ECHDC1: variants seen among roughly 807,000 people sequenced by gnomAD.
ECHDC1 encodes ethylmalonyl-CoA decarboxylase 1.
In ECHDC1, 29 loss-of-function variants were observed where a neutral mutation model predicts 29.7. The observed-to-expected ratio is 0.98, with a 90% CI of 0.73 to 1.33. The LOEUF (loss-of-function observed/expected upper bound fraction) is 1.33, where lower values mean the gene tolerates loss of function less well. ECHDC1 is among the 40% of genes most tolerant of loss of function. The probability of loss-of-function intolerance (pLI) is 0.00; values close to 1 mark genes in which losing one functional copy is unlikely to be tolerated. For synonymous variants in ECHDC1, 126 were observed against 123.1 expected, an observed-to-expected ratio of 1.02 and a Z score of -0.15; for missense variants, 328 against 350.0, an observed-to-expected ratio of 0.94 and a Z score of 0.50.
At chr6:127,290,366 CT>C in intron 5 of ECHDC1, 89 bp from the exon 6 acceptor site, 1 of 1,318,638 alleles carries the variant, frequency 7.6e-7, no homozygotes, top group Non-Finnish European at 1.0e-6. Context: ...GATGTGAATT[CT>C]CCATAGATCT....
At position 127,311,112 on chromosome 6, in the gene ECHDC1, TAAC is replaced by T. The variant is rs1781864978; in HGVS notation, c.497+3701_497+3703del. On this transcript the variant is annotated intron_variant, in intron 5 of 5. Transcript: ENST00000454859. ...CGTGTGACTCACTTTATTGTGATATTAACTTTAGAGGGGTGGTCTGGAGGAAAC... is the reference window on the plus strand; with the variant it reads ...CGTGTGACTCACTTTATTGTGATATTTTTAGAGGGGTGGTCTGGAGGAAAC... Among the ~76,000 whole-genome samples, 4 of 152,340 alleles carry T rather than the reference TAAC, an allele frequency of 2.6e-5. No individual in the cohort carries two copies. In the South Asian group the frequency reaches 8.3e-4, roughly 32 times the overall value.
At chr6:127,314,789 A>G in intron 5 of ECHDC1, 27 bp downstream of exon 5, 1 of 1,567,698 alleles carries the variant, frequency 6.4e-7, no homozygotes, top group Non-Finnish European at 8.7e-7. Flanking sequence ...ATATTTGTGC[A>G]AGAAATTAAT....
intron 5 of ECHDC1, among the ~76,000 whole-genome samples, chr6:127,305,573 T>C (rs1469484077): frequency 1.3e-5 from 2 of 152,100 alleles, no homozygotes; most frequent in East Asian, 3.8e-4. Flanking sequence ...AAAGACCAAA[T>C]GATGAACCAA....
intron 5 of ECHDC1, among the ~76,000 whole-genome samples, chr6:127,300,017 A>G (rs563888559): frequency 9.1e-4 from 138 of 152,280 alleles, no homozygotes; most frequent in African/African-American, 3.2e-3. Flanking sequence ...AGTAAGCTGC[A>G]CCCTAGATGG....
intron 4 of ECHDC1, 25 bp downstream of exon 4, chr6:127,316,425 T>C (rs1240502007): frequency 2.5e-6 from 4 of 1,583,628 alleles, no homozygotes; most frequent in Non-Finnish European, 2.6e-6. Flanking sequence ...TTAGAAATCA[T>C]ATTTTAAAAA....
intron 5 of ECHDC1, among the ~76,000 whole-genome samples, chr6:127,296,724 TA>T (rs1229253638): frequency 6.6e-6 from 1 of 152,114 alleles, no homozygotes; most frequent in Non-Finnish European, 1.5e-5. Context: ...CACTTTAATA[TA>T]AATGGGCTGT....
Position 127,316,568 on chromosome 6 carries a change from T to C in ECHDC1, c.364-66A>G, listed in dbSNP as rs113275394. ...AATATATTACATTAAATTTTTTAAA[T>C]TAAGGTTTTAGAAAGTAATGAAGCC... On this transcript the variant is annotated intron_variant, in intron 3 of 5. Transcript: ENST00000454859. 1.9e-3 allele frequency: 2,705 copies of C among 1,408,330 alleles called. 50 individuals carry two copies. The African/African-American group carries it at 0.036, about 19-fold the overall frequency. 87.2% of individuals were successfully genotyped at this position (1,408,330 alleles called of 1,614,324 possible).
chr6:127,315,225 G>C (rs903067867), intron 4 of ECHDC1: 4 of 469,556 alleles, frequency 8.5e-6, no homozygotes, highest in Non-Finnish European at 1.6e-5. Context: ...ACAGCTCCTG[G>C]AACTTCTCAG....
At chr6:127,301,339 A>G (rs1781039876) in intron 5 of ECHDC1, among the ~76,000 whole-genome samples, 1 of 152,216 alleles carries the variant, frequency 6.6e-6, no homozygotes, top group African/African-American at 2.4e-5. Flanking sequence ...GTGTATCTCC[A>G]TCTGCTGAAG....
intron 3 of ECHDC1, among the ~76,000 whole-genome samples, chr6:127,324,098 A>C (rs1783084746): frequency 6.6e-6 from 1 of 152,114 alleles, no homozygotes; most frequent in Non-Finnish European, 1.5e-5. Context: ...GTTCATTGCT[A>C]ATCTTCCTGT....
chr6:127,289,929 T>C lies in ECHDC1; in HGVS notation c.846A>G (p.Thr282=). The C allele has an allele frequency of 6.2e-7, 1 of 1,613,548 alleles. No homozygotes were observed. Among genetic ancestry groups the C allele is most frequent in the Non-Finnish European group, 8.5e-7 (1 of 1,179,668 alleles). The stretch of plus-strand genomic sequence containing the variant: ...CTAAATTTGCAGGCCCACCCCAAAC[T>C]GTTCCTAAAAGATCTCTTTCGTTCT... ...ALQNERDLLG[T]VWGGPANLEA... Residue 282 remains threonine, a synonymous_variant, in exon 6 of 6, where the codon ACA becomes ACG. Coordinates refer to ENST00000454859, the MANE Select transcript of ECHDC1 (RefSeq NM_001002030.2).
At chr6:127,319,128 C>T (rs1018465724) in intron 3 of ECHDC1, among the ~76,000 whole-genome samples, 4 of 152,128 alleles carry the variant, frequency 2.6e-5, no homozygotes, top group African/African-American at 9.7e-5. Flanking sequence ...AATTTTCATT[C>T]AAAAGACAAA....
At chr6:127,319,587 C>T (rs1388048095) in intron 3 of ECHDC1, among the ~76,000 whole-genome samples, 2 of 152,136 alleles carry the variant, frequency 1.3e-5, no homozygotes, top group East Asian at 3.8e-4. Flanking sequence ...TGGTTAAATG[C>T]TCTGTCCTCT....
intron 3 of ECHDC1, chr6:127,318,100 T>A (rs532151034): frequency 1.3e-5 from 2 of 152,344 alleles, no homozygotes; most frequent in African/African-American, 4.8e-5. Context: ...AACCTAAATT[T>A]CTTGGCAAGG....
In ECHDC1 at chr6:127,331,044, A is replaced by G. The variant is rs749719664; in HGVS notation, c.-2-14T>C. On this transcript the variant is annotated splice_polypyrimidine_tract_variant and intron_variant, in intron 1 of 5. Coordinates refer to ENST00000454859, the MANE Select transcript of ECHDC1 (RefSeq NM_001002030.2). The stretch of plus-strand genomic sequence containing the variant: ...TTTTCGCCATTTCTGGAAAACAGAA[A>G]TAAGTATGCGGTAGTATAGATGAAT... 22 of 1,604,458 alleles carry G rather than the reference A, an allele frequency of 1.4e-5. No individual in the cohort carries two copies. The South Asian group carries it at 2.1e-4, about 15-fold the overall frequency.
chr6:127,323,263 C>T (rs899339236), intron 3 of ECHDC1, among the ~76,000 whole-genome samples: 29 of 151,944 alleles, frequency 1.9e-4, no homozygotes, highest in Non-Finnish European at 3.4e-4. Context: ...ATAAGGGATA[C>T]TCAACCCGTA....
intron 2 of ECHDC1, among the ~76,000 whole-genome samples, chr6:127,328,216 G>A (rs1342362474): frequency 6.6e-6 from 1 of 152,110 alleles, no homozygotes; most frequent in Non-Finnish European, 1.5e-5. Context: ...CTTTCTTATG[G>A]CTAATTATGA....
rs763356475 is a variant in ECHDC1, at chr6:127,290,200, C to T, written c.575G>A (p.Arg192Gln). The T allele has an allele frequency of 2.5e-5, 40 of 1,613,526 alleles. No homozygotes were observed. Among genetic ancestry groups the T allele is most frequent in the Middle Eastern group, 3.3e-4 (2 of 6,078 alleles). ...GIIPSWGGTT[R>Q]LVEIIGSRQA... ...TCTACTTCCGATTATTTCAACTAGC[C>T]GGGTGGTGCCACCCCAGCTTGGTAT... The change falls in exon 6 of 6, where the codon CGG (arginine) becomes CAG (glutamine). Residue 192 changes from arginine (R) to glutamine (Q), a missense_variant. Coordinates refer to ENST00000454859, the MANE Select transcript of ECHDC1 (RefSeq NM_001002030.2).
chr6:127,342,695 T>G (rs1015069819), intron 1 of ECHDC1: 8 of 293,780 alleles, frequency 2.7e-5, no homozygotes, highest in Non-Finnish European at 5.0e-5. Flanking sequence ...AAGAACTGAG[T>G]GTTGATTTAA....
Sources: gnomAD v4.1 joint callset for allele counts (sites outside exome capture counted in the v4.1 genomes callset) on GRCh38, gnomAD v4.1.1 for gene constraint, MANE v1.5 for transcripts, NCBI Gene and HGNC (gene_info 2026-07-23, HGNC 2026-07-21) for gene names.